Variants in MAP2K4 observed in about 807,000 individuals in gnomAD.
MAP2K4 encodes the protein dual specificity mitogen-activated protein kinase kinase 4.
MAP2K4 carries 4 observed loss-of-function variants against 48.5 expected under a neutral mutation model. The observed-to-expected ratio is 0.08, with a 90% CI of 0.04 to 0.19. MAP2K4 has a LOEUF of 0.19. MAP2K4 is among the 10% of genes least tolerant of loss of function. The pLI, the probability that MAP2K4 is intolerant of heterozygous loss-of-function variation, is 1.00. For synonymous variants in MAP2K4, 166 were observed against 173.1 expected, an observed-to-expected ratio of 0.96 and a Z score of 0.32; for missense variants, 258 against 493.3, an observed-to-expected ratio of 0.52 and a Z score of 4.52.
At position 12,023,331 on chromosome 17, in the gene MAP2K4, A is replaced by T. The variant is rs958782203; in HGVS notation, c.115+2330A>T. 2.0e-5 allele frequency among the ~76,000 whole-genome samples: 3 copies of T among 152,286 alleles called. No homozygotes were observed. The East Asian group carries it at 5.8e-4, about 29-fold the overall frequency. Reference sequence around the variant, plus strand: ...GTGAGGCCCTTGAAGAGGAAATCTTATAAGAACCCAAAAAGAAAGATTCCC... The same window carrying T: ...GTGAGGCCCTTGAAGAGGAAATCTTTTAAGAACCCAAAAAGAAAGATTCCC... On this transcript the variant is annotated intron_variant, in intron 1 of 10. Transcript: ENST00000353533.
At chr17:12,118,370 G>A (rs1354074871) in intron 7 of MAP2K4, among the ~76,000 whole-genome samples, 10 of 152,104 alleles carry the variant, frequency 6.6e-5, no homozygotes. Context: ...ATCTATAGGA[G>A]GCAAAAGCTT....
At chr17:12,131,313 G>A (rs1020576048) in intron 9 of MAP2K4, among the ~76,000 whole-genome samples, 14 of 148,812 alleles carry the variant, frequency 9.4e-5, no homozygotes, top group Admixed American at 3.4e-4. Flanking sequence ...TGATGTGGTC[G>A]CAGCTCACTG....
chr17:12,103,757 A>G (rs1427064516), intron 4 of MAP2K4, among the ~76,000 whole-genome samples: 1 of 152,106 alleles, frequency 6.6e-6, no homozygotes, highest in Non-Finnish European at 1.5e-5. Flanking sequence ...ATGGAATCCT[A>G]TATGCGTTCT....
chr17:12,074,287 T>G (rs1299863855), intron 2 of MAP2K4, among the ~76,000 whole-genome samples: 1 of 152,228 alleles, frequency 6.6e-6, no homozygotes, highest in African/African-American at 2.4e-5. Context: ...TCTGCTTTTT[T>G]GTATACTGTG....
chr17:12,080,326 TGTA>T (rs1466698126), intron 2 of MAP2K4, among the ~76,000 whole-genome samples: 3 of 152,106 alleles, frequency 2.0e-5, no homozygotes, highest in African/African-American at 7.2e-5. Context: ...AACTGAAAAA[TGTA>T]GTTGATATTT....
At chr17:12,111,676 T>C (rs1346876534) in intron 6 of MAP2K4, among the ~76,000 whole-genome samples, 1 of 152,020 alleles carries the variant, frequency 6.6e-6, no homozygotes. Context: ...AAGTGATGAG[T>C]TTATAGCCAT....
intron 2 of MAP2K4, among the ~76,000 whole-genome samples, chr17:12,076,384 GACA>G (rs1013604188): frequency 6.6e-6 from 1 of 150,800 alleles, no homozygotes; most frequent in East Asian, 2.0e-4. Flanking sequence ...TCAATGAAGG[GACA>G]ACAACTAAAA....
intron 2 of MAP2K4, among the ~76,000 whole-genome samples, chr17:12,078,874 C>G (rs1971096625): frequency 6.6e-6 from 1 of 152,130 alleles, no homozygotes; most frequent in South Asian, 2.1e-4. Flanking sequence ...GTGGTTGTAC[C>G]TACTGTTAAA....
intron 7 of MAP2K4, among the ~76,000 whole-genome samples, chr17:12,122,820 GTGT>G (rs1191756353): frequency 1.3e-5 from 2 of 152,146 alleles, no homozygotes; most frequent in Non-Finnish European, 2.9e-5. Context: ...TTCTCTTAGT[GTGT>G]TGTTATTTCT....
In MAP2K4 at chr17:12,136,135, C is replaced by T. The variant is rs117439363; in HGVS notation, c.1041-3704C>T. ...TGGGCAGAAGCAAAAGCAAATCATT[C>T]AGCCTAGGACTAAATGATTCCAAAA... On this transcript the variant is annotated intron_variant, in intron 9 of 10. Transcript: ENST00000353533. Among the ~76,000 whole-genome samples, 401 of 152,238 alleles carry T rather than the reference C, an allele frequency of 2.6e-3. 1 individual carries two copies. The highest frequency in any genetic ancestry group is 4.3e-3 in the Non-Finnish European group (295 of 68,000).
intron 2 of MAP2K4, among the ~76,000 whole-genome samples, chr17:12,078,517 A>G (rs1971083739): frequency 6.6e-6 from 1 of 152,180 alleles, no homozygotes; most frequent in African/African-American, 2.4e-5. Context: ...TGTGTTACAA[A>G]CAATCCAATT....
At chr17:12,036,558 C>T (rs1969606007) in intron 1 of MAP2K4, 1 of 152,146 alleles carries the variant, frequency 6.6e-6, no homozygotes, top group East Asian at 1.9e-4. Flanking sequence ...AATCATTCTT[C>T]CAAAACCTCC....
chr17:12,126,249 A>G (rs978534845), intron 8 of MAP2K4, among the ~76,000 whole-genome samples: 30 of 152,246 alleles, frequency 2.0e-4, no homozygotes, highest in African/African-American at 7.0e-4. Context: ...CCTTAGAACA[A>G]CACTGAGAAA....
chr17:12,077,280 TC>T (rs1427277719), intron 2 of MAP2K4, among the ~76,000 whole-genome samples: 1 of 152,218 alleles, frequency 6.6e-6, no homozygotes, highest in Non-Finnish European at 1.5e-5. Flanking sequence ...TGCTTGCACT[TC>T]CCAGTGATTG....
chr17:12,136,181 G>T (rs904589276), intron 9 of MAP2K4, among the ~76,000 whole-genome samples: 13 of 152,126 alleles, frequency 8.5e-5, no homozygotes, highest in Non-Finnish European at 1.8e-4. Flanking sequence ...AGTGGAATAT[G>T]TAGTCCACAA....
At chr17:12,042,556 G>A (rs949797485) in intron 1 of MAP2K4, among the ~76,000 whole-genome samples, 4 of 152,058 alleles carry the variant, frequency 2.6e-5, no homozygotes, top group African/African-American at 9.7e-5. Flanking sequence ...TGGGAGTATC[G>A]CCTAAGCTCG....
At chr17:12,115,528 GGTGAC>G (rs1972460755) in intron 7 of MAP2K4, 1 of 515,254 alleles carries the variant, frequency 1.9e-6, no homozygotes, top group Non-Finnish European at 3.5e-6. Flanking sequence ...AGGAGGTAGA[GGTGAC>G]GGGCCGGAGA....
At chr17:12,080,291 A>G (rs1971148283) in intron 2 of MAP2K4, among the ~76,000 whole-genome samples, 1 of 152,236 alleles carries the variant, frequency 6.6e-6, no homozygotes, top group Admixed American at 6.5e-5. Flanking sequence ...CAGAGTTTAA[A>G]AGAGATCCTG....
chr17:12,048,781 C>T (rs991226410), intron 1 of MAP2K4, among the ~76,000 whole-genome samples: 1 of 151,986 alleles, frequency 6.6e-6, no homozygotes, highest in African/African-American at 2.4e-5. Flanking sequence ...CTCAGCCTCC[C>T]GAGTAGCTGG....
Sources: allele counts gnomAD v4.1 joint callset (sites outside exome capture counted in the v4.1 genomes callset), GRCh38; gene constraint gnomAD v4.1.1; transcripts MANE v1.5; gene names NCBI Gene and HGNC (gene_info 2026-07-23, HGNC 2026-07-21).